Variants in PID1 observed in about 807,000 individuals in gnomAD.
The protein encoded by PID1 is phosphotyrosine interaction domain containing 1, also known as PTB-containing, cubilin and LRP1-interacting protein.
PID1 carries 10 observed loss-of-function variants against 19.1 expected under a neutral mutation model. That is an observed-to-expected ratio of 0.52 (90% CI 0.32 to 0.89). The LOEUF is 0.89. Among genes scored for constraint, PID1 ranks in the 40% least tolerant of loss-of-function variants. The pLI, the probability that PID1 is intolerant of heterozygous loss-of-function variation, is 0.03. For missense variants in PID1, 248 were observed against 285.3 expected (o/e 0.87, Z 0.94); for synonymous variants, 130 against 116.0 (o/e 1.12, Z -0.78).
At chr2:229,031,498 C>T (rs1394252157) in intron 2 of PID1, among the ~76,000 whole-genome samples, 1 of 151,832 alleles carries the variant, frequency 6.6e-6, no homozygotes, top group African/African-American at 2.4e-5. Context: ...GCGGAGGTTG[C>T]AGAGGGCTAT....
intron 1 of PID1, among the ~76,000 whole-genome samples, chr2:229,240,821 G>T (rs1209517039): frequency 6.6e-6 from 1 of 151,934 alleles, no homozygotes; most frequent in African/African-American, 2.4e-5. Flanking sequence ...TCTTTTTCTT[G>T]TCTCTTTCTG....
chr2:229,089,832 G>A (rs993104667), intron 2 of PID1, among the ~76,000 whole-genome samples: 1 of 152,132 alleles, frequency 6.6e-6, no homozygotes, highest in South Asian at 2.1e-4. Context: ...CAACTAAAAG[G>A]TGTATTTCTA....
intron 2 of PID1, among the ~76,000 whole-genome samples, chr2:229,050,605 C>T (rs985935189): frequency 5.3e-5 from 8 of 152,228 alleles, no homozygotes; most frequent in African/African-American, 1.4e-4. Context: ...CATGAAGCTG[C>T]GGCCACTCTA....
At chr2:229,222,647 C>T (rs926430865) in intron 1 of PID1, among the ~76,000 whole-genome samples, 1 of 152,114 alleles carries the variant, frequency 6.6e-6, no homozygotes. Flanking sequence ...ACACAAGCCT[C>T]ACCCAACCTG....
intron 1 of PID1, among the ~76,000 whole-genome samples, chr2:229,265,430 G>A (rs1319515954): frequency 1.3e-5 from 2 of 152,208 alleles, no homozygotes; most frequent in East Asian, 3.9e-4. Context: ...TGGCCTCAAG[G>A]GTTGGACCTG....
intron 2 of PID1, among the ~76,000 whole-genome samples, chr2:229,123,785 A>C (rs892259936): frequency 6.6e-5 from 10 of 152,194 alleles, no homozygotes; most frequent in African/African-American, 2.4e-4. Context: ...TCATCTTTTC[A>C]TATGCTTATT....
chr2:229,252,538 G>C (rs1227002), intron 1 of PID1, among the ~76,000 whole-genome samples: 83,748 of 151,924 alleles, frequency 0.55, 23,847 homozygotes, highest in East Asian at 0.76. Context: ...AATGCCAATT[G>C]TCTGGGTCAA....
At chr2:229,028,369 C>G (rs760887329) in intron 2 of PID1, among the ~76,000 whole-genome samples, 1 of 152,244 alleles carries the variant, frequency 6.6e-6, no homozygotes, top group South Asian at 2.1e-4. Context: ...AGAAAGCAAA[C>G]GTGTCACTAT....
At chr2:229,079,543 C>G (rs1694629667) in intron 2 of PID1, among the ~76,000 whole-genome samples, 1 of 152,046 alleles carries the variant, frequency 6.6e-6, no homozygotes, top group Admixed American at 6.5e-5. Flanking sequence ...AATTTGTTTC[C>G]CCAGTTCTCC....
At chr2:229,215,084 C>T (rs1222919481) in intron 1 of PID1, among the ~76,000 whole-genome samples, 1 of 152,144 alleles carries the variant, frequency 6.6e-6, no homozygotes, top group Non-Finnish European at 1.5e-5. Flanking sequence ...CAAATAACAA[C>T]AATGTGGGAA....
intron 2 of PID1, among the ~76,000 whole-genome samples, chr2:229,082,868 G>A (rs1159798075): frequency 6.6e-6 from 1 of 152,292 alleles, no homozygotes; most frequent in East Asian, 1.9e-4. Context: ...CTATAGGACT[G>A]TGAGATAACC....
At position 229,181,870 on chromosome 2, in the gene PID1, T is replaced by C. The variant is rs76286383; in HGVS notation, c.31-25906A>G. On this transcript the variant is annotated intron_variant, in intron 1 of 2. Transcript: ENST00000392055. The stretch of plus-strand genomic sequence containing the variant: ...CTCTGAATTGCCTCCAGCAATAAGA[T>C]TGAATGGCACAGTTAAAAGTAATAA... 7.2e-3 allele frequency among the ~76,000 whole-genome samples: 1,090 copies of C among 152,320 alleles called. 13 individuals carry two copies. The highest frequency in any genetic ancestry group is 0.025 in the African/African-American group (1,052 of 41,560).
rs970587577 is a variant in PID1 at position 229,031,565 on chromosome 2, AAAAGAAAAGG to A, written c.178-5467_178-5458del. 3.2e-4 allele frequency among the ~76,000 whole-genome samples: 49 copies of A among 152,244 alleles called. 1 individual carries two copies. Among genetic ancestry groups the A allele is most frequent in the East Asian group, 2.5e-3 (13 of 5,134 alleles). On this transcript the variant is annotated intron_variant, in intron 2 of 2. Transcript: ENST00000392055. ...AGAGTGTGACCTTGTCTCAAAAAAGAAAAGAAAAGGAAAGAAAAGGAAAGAAAGGAAAAGA... is the reference window on the plus strand; with the variant it reads ...AGAGTGTGACCTTGTCTCAAAAAAGAAAAGAAAAGGAAAGAAAGGAAAAGA...
chr2:229,100,007 AC>A (rs1210648529), intron 2 of PID1, among the ~76,000 whole-genome samples: 2 of 152,102 alleles, frequency 1.3e-5, no homozygotes, highest in African/African-American at 4.8e-5. Flanking sequence ...ATGATGGGGG[AC>A]AAGTGCCCTT....
At chr2:229,130,007 G>C (rs1689696247) in intron 2 of PID1, among the ~76,000 whole-genome samples, 1 of 152,110 alleles carries the variant, frequency 6.6e-6, no homozygotes, top group Non-Finnish European at 1.5e-5. Context: ...CACCAAGAAA[G>C]AAACATTTCT....
At chr2:229,130,927 T>A (rs1365625847) in intron 2 of PID1, among the ~76,000 whole-genome samples, 1 of 152,194 alleles carries the variant, frequency 6.6e-6, no homozygotes, top group Non-Finnish European at 1.5e-5. Context: ...TACTGGCCTG[T>A]AGCTGTGTAA....
At chr2:229,198,733 T>A (rs1171565488) in intron 1 of PID1, among the ~76,000 whole-genome samples, 1 of 152,076 alleles carries the variant, frequency 6.6e-6, no homozygotes, top group Non-Finnish European at 1.5e-5. Context: ...TAAGTCCTAC[T>A]GGGTCTATAT....
At chr2:229,040,852 G>A (rs1344902241) in intron 2 of PID1, among the ~76,000 whole-genome samples, 1 of 152,146 alleles carries the variant, frequency 6.6e-6, no homozygotes, top group Admixed American at 6.6e-5. Flanking sequence ...GTGTATTAAA[G>A]AAATAAGTTA....
Position 229,124,887 on chromosome 2 carries a change from C to T in PID1, c.177+30931G>A, listed in dbSNP as rs140136391. ...AGAATCTTATTCACTGTGTATCTCCCTATTCTGAGCTACAATTCTAAAACT... is the reference window on the plus strand; with the variant it reads ...AGAATCTTATTCACTGTGTATCTCCTTATTCTGAGCTACAATTCTAAAACT... On this transcript the variant is annotated intron_variant, in intron 2 of 2. Transcript: ENST00000392055. 1.7e-4 allele frequency among the ~76,000 whole-genome samples: 26 copies of T among 152,272 alleles called. No individual in the cohort carries two copies. The East Asian group carries it at 3.9e-3, about 23-fold the overall frequency.
Sources: gnomAD v4.1 joint callset for allele counts (sites outside exome capture counted in the v4.1 genomes callset) on GRCh38, gnomAD v4.1.1 for gene constraint, MANE v1.5 for transcripts, NCBI Gene and HGNC (gene_info 2026-07-23, HGNC 2026-07-21) for gene names.